SLA2: variants seen among roughly 807,000 people sequenced by gnomAD.
The protein encoded by SLA2 is Src like adaptor 2.
SLA2 carries 22 observed loss-of-function variants against 27.3 expected under a neutral mutation model. That is an observed-to-expected ratio of 0.81 (90% CI 0.58 to 1.15). The LOEUF (loss-of-function observed/expected upper bound fraction) is 1.15. Among genes scored for constraint, SLA2 ranks in the 50% most tolerant of loss-of-function variants. The probability of loss-of-function intolerance (pLI) is 0.00; values close to 1 mark genes in which losing one functional copy is unlikely to be tolerated. For missense variants in SLA2, 304 were observed against 322.2 expected (o/e 0.94, Z 0.43); for synonymous variants, 131 against 137.8 (o/e 0.95, Z 0.34).
At chr20:36,618,532 G>A (rs79749801) in intron 5 of SLA2, among the ~76,000 whole-genome samples, 4 of 151,832 alleles carry the variant, frequency 2.6e-5, no homozygotes, top group South Asian at 4.2e-4. Context: ...CACTGTGCCC[G>A]GCCAACAAAT....
chr20:36,622,414 A>G (rs1183666238), intron 5 of SLA2, among the ~76,000 whole-genome samples: 2 of 150,538 alleles, frequency 1.3e-5, no homozygotes, highest in African/African-American at 5.0e-5. Flanking sequence ...CAGAAAAATC[A>G]TTTGACAAAA....
chr20:36,633,316 G>A (rs1262883407), intron 4 of SLA2, among the ~76,000 whole-genome samples: 1 of 152,142 alleles, frequency 6.6e-6, no homozygotes, highest in African/African-American at 2.4e-5. Flanking sequence ...CCAAAGCCCA[G>A]AGCTCCACAC....
chr20:36,614,012 T>C, intron 7 of SLA2, 26 bp from the exon 8 acceptor site: 2 of 1,611,702 alleles, frequency 1.2e-6, no homozygotes, highest in Non-Finnish European at 1.7e-6. Context: ...GATAATTGGG[T>C]CAAGAAGCCT....
rs2147972729 is a variant in SLA2, at chr20:36,613,590, C to G, written c.*276G>C. On this transcript the variant is annotated 3_prime_UTR_variant, in exon 8 of 8. Transcript: ENST00000262866. ...TCAAGAACTAACTAGGTCAGACCCC[C>G]CAGGAGGCTTATTCTCTTTTTGGAA... The G allele has an allele frequency of 2.9e-6, 1 of 344,206 alleles. No individual in the cohort carries two copies. Among genetic ancestry groups the G allele is most frequent in the Non-Finnish European group, 5.3e-6 (1 of 187,660 alleles). 21.3% of individuals were successfully genotyped at this position (344,206 alleles called of 1,614,324 possible).
At chr20:36,644,945 A>AAC (rs1978286695) in intron 1 of SLA2, among the ~76,000 whole-genome samples, 1 of 148,580 alleles carries the variant, frequency 6.7e-6, no homozygotes, top group Middle Eastern at 3.2e-3. Flanking sequence ...CTGAGAGGAC[A>AAC]ACCATGTGAT....
rs143718852 is a variant in SLA2, at chr20:36,634,026, C to G, written c.192-397G>C. ...TTTTTTGAGACAGAGTTTTGCTCGT[C>G]GCCCAGGCTGGAGTGCAATGGCGTG... On this transcript the variant is annotated intron_variant, in intron 3 of 7. Coordinates refer to ENST00000262866, the MANE Select transcript of SLA2 (RefSeq NM_032214.4). Among the ~76,000 whole-genome samples the G allele has an allele frequency of 4.0e-3, 609 of 151,914 alleles. 4 individuals are homozygous for G. Among genetic ancestry groups the G allele is most frequent in the South Asian group, 6.7e-3 (32 of 4,780 alleles).
chr20:36,629,311 A>G (rs1243621575), intron 5 of SLA2, among the ~76,000 whole-genome samples: 6 of 151,022 alleles, frequency 4.0e-5, no homozygotes, highest in African/African-American at 1.5e-4. Context: ...GTGAGGCCTT[A>G]TGTGGATCTT....
At chr20:36,618,229 AT>A (rs2054095399) in intron 5 of SLA2, among the ~76,000 whole-genome samples, 3 of 152,086 alleles carry the variant, frequency 2.0e-5, no homozygotes, top group African/African-American at 7.2e-5. Flanking sequence ...AGAATGGCTT[AT>A]TAATGGGAGA....
At chr20:36,635,546 G>A (rs2039436184) in intron 2 of SLA2, among the ~76,000 whole-genome samples, 1 of 152,002 alleles carries the variant, frequency 6.6e-6, no homozygotes, top group Non-Finnish European at 1.5e-5. Flanking sequence ...GACCGAGGCT[G>A]ATTCTGGAAA....
intron 2 of SLA2, 41 bp downstream of exon 2, chr20:36,641,204 T>C: frequency 6.5e-7 from 1 of 1,544,470 alleles, no homozygotes; most frequent in Non-Finnish European, 8.9e-7. Flanking sequence ...AGTCTAGTAC[T>C]GTGTGGGAAG....
At chr20:36,624,117 G>A (rs539457584) in intron 5 of SLA2, among the ~76,000 whole-genome samples, 2 of 152,192 alleles carry the variant, frequency 1.3e-5, no homozygotes, top group South Asian at 4.1e-4. Context: ...GCCCTGTTGG[G>A]TGTGGTCAGA....
chr20:36,616,568 C>G (rs1246844432), intron 5 of SLA2, among the ~76,000 whole-genome samples: 3 of 151,954 alleles, frequency 2.0e-5, no homozygotes, highest in African/African-American at 7.3e-5. Context: ...CTCTTGACCT[C>G]GTGATCCGCC....
chr20:36,618,161 A>T (rs1031587280), intron 5 of SLA2, among the ~76,000 whole-genome samples: 6 of 151,770 alleles, frequency 4.0e-5, no homozygotes, highest in Non-Finnish European at 5.9e-5. Flanking sequence ...AAAAAAAAAA[A>T]GGCTAAAAGT....
chr20:36,624,214 G>A (rs2039313352), intron 5 of SLA2, among the ~76,000 whole-genome samples: 1 of 152,036 alleles, frequency 6.6e-6, no homozygotes, highest in Admixed American at 6.6e-5. Context: ...CAGGAAGGAG[G>A]GGTCAGGTCG....
In SLA2 at chr20:36,623,474, A is replaced by G. The variant is rs751971421; in HGVS notation, c.383-8100T>C. Among the ~76,000 whole-genome samples the G allele has an allele frequency of 5.3e-5, 8 of 152,100 alleles. No homozygotes were observed. In the South Asian group the frequency reaches 1.2e-3, roughly 24 times the overall value. On this transcript the variant is annotated intron_variant, in intron 5 of 7. Transcript: ENST00000262866. ...ATACAGCTGCCTTTACTTACAGGTA[A>G]TACAATCATATGTAGATAATCATAA...
chr20:36,626,386 G>T (rs369685453), intron 5 of SLA2, among the ~76,000 whole-genome samples: 1 of 148,478 alleles, frequency 6.7e-6, no homozygotes, highest in Non-Finnish European at 1.5e-5. Context: ...ACGAGACTCC[G>T]TCTAAAAAAA....
chr20:36,623,035 G>A (rs977257597), intron 5 of SLA2, among the ~76,000 whole-genome samples: 4 of 152,094 alleles, frequency 2.6e-5, no homozygotes, highest in Non-Finnish European at 4.4e-5. Flanking sequence ...TTGGGAGGCC[G>A]AGGCTTGCTG....
intron 6 of SLA2, 130 bp from the exon 7 acceptor site, chr20:36,614,567 C>G: frequency 1.4e-6 from 2 of 1,456,024 alleles, no homozygotes; most frequent in South Asian, 1.5e-5. Flanking sequence ...GACATGAGCC[C>G]CAAGCTATTG....
chr20:36,617,440 A>G (rs1037603131), intron 5 of SLA2, among the ~76,000 whole-genome samples: 12 of 145,678 alleles, frequency 8.2e-5, no homozygotes, highest in Middle Eastern at 3.6e-3. Flanking sequence ...AGGCTGAGGC[A>G]GGGGGATTGC....
Sources: gnomAD v4.1 joint callset for allele counts (sites outside exome capture counted in the v4.1 genomes callset) on GRCh38, gnomAD v4.1.1 for gene constraint, MANE v1.5 for transcripts, NCBI Gene and HGNC (gene_info 2026-07-23, HGNC 2026-07-21) for gene names.